Variants in PBX1 observed in about 807,000 individuals in gnomAD.
PBX1 encodes the protein pre-B-cell leukemia transcription factor 1.
PBX1 carries 6 observed loss-of-function variants against 53.4 expected under a neutral mutation model. The observed-to-expected ratio is 0.11, with a 90% CI of 0.06 to 0.22. PBX1 has a LOEUF of 0.22. PBX1 is among the 10% of genes least tolerant of loss of function. The pLI is 1.00. For synonymous variants in PBX1, 204 were observed against 212.3 expected (o/e 0.96, Z 0.34); for missense variants, 251 against 551.4 (o/e 0.46, Z 5.46).
intron 2 of PBX1, among the ~76,000 whole-genome samples, chr1:164,653,794 T>C (rs1199846440): frequency 1.3e-5 from 2 of 152,126 alleles, no homozygotes; most frequent in African/African-American, 2.4e-5. Flanking sequence ...CAAAAGCCTG[T>C]CATGGCCGCA....
intron 2 of PBX1, among the ~76,000 whole-genome samples, chr1:164,710,639 G>A (rs1663703606): frequency 1.3e-5 from 2 of 152,176 alleles, no homozygotes; most frequent in South Asian, 2.1e-4. Flanking sequence ...TCAAACTCCC[G>A]AACTCAGGTG....
In PBX1 at chr1:164,812,135, C is replaced by T. The variant is rs1400850042; in HGVS notation, c.983C>T (p.Thr328Ile). Residue 328 changes from threonine to isoleucine, a missense_variant, in exon 6 of 9, where the codon ACT (threonine) becomes ATT (isoleucine). Thr to Ile is a moderately conservative substitution (Grantham distance 89). Coordinates refer to ENST00000420696, the MANE Select transcript of PBX1 (RefSeq NM_002585.4). ...GGAAGCCAAGCTAACTCGCCCTCAA[C>T]TCCCAACTCGGCTGGTTAGTTTTTT... ...AHGSQANSPS[T>I]PNSAGSSSSF... 6.2e-7 allele frequency: 1 copy of T among 1,611,048 alleles called. No individual in the cohort carries two copies. Among genetic ancestry groups the T allele is most frequent in the Non-Finnish European group, 8.5e-7 (1 of 1,178,406 alleles).
intron 2 of PBX1, among the ~76,000 whole-genome samples, chr1:164,581,391 C>A (rs1208337047): frequency 6.6e-6 from 1 of 152,060 alleles, no homozygotes. Context: ...CCGCGCCTGG[C>A]TAATTTTTGT....
chr1:164,855,574 C>G (rs555299721), downstream of PBX1, among the ~76,000 whole-genome samples: 5 of 152,204 alleles, frequency 3.3e-5, no homozygotes, highest in African/African-American at 4.8e-5. Context: ...CAGACTCCTA[C>G]AGCACAATTA....
intron 2 of PBX1, among the ~76,000 whole-genome samples, chr1:164,664,571 A>G (rs1048896467): frequency 6.6e-6 from 1 of 152,206 alleles, no homozygotes; most frequent in Non-Finnish European, 1.5e-5. Context: ...ATCATATGAG[A>G]CAAGTCCTGG....
intron 2 of PBX1, among the ~76,000 whole-genome samples, chr1:164,782,142 C>A (rs1667964928): frequency 6.6e-6 from 1 of 152,154 alleles, no homozygotes; most frequent in Non-Finnish European, 1.5e-5. Flanking sequence ...TGTGAGAACT[C>A]CCATCTGGCT....
chr1:164,825,827 A>G (rs1176325050), intron 8 of PBX1, among the ~76,000 whole-genome samples: 3 of 152,166 alleles, frequency 2.0e-5, no homozygotes, highest in Non-Finnish European at 2.9e-5. Context: ...TCCCTGTTTA[A>G]AAAAAGTATA....
intron 2 of PBX1, among the ~76,000 whole-genome samples, chr1:164,599,192 C>T (rs1655987740): frequency 3.3e-5 from 5 of 150,702 alleles, no homozygotes; most frequent in Admixed American, 2.7e-4. Flanking sequence ...ACTTTGCTCC[C>T]CTCTGAGACC....
At chr1:164,655,098 G>GTTTTTTTTTTTT (rs1385024281) in intron 2 of PBX1, among the ~76,000 whole-genome samples, 2 of 38,320 alleles carry the variant, frequency 5.2e-5, no homozygotes, top group Admixed American at 4.5e-4. Context: ...TCTCTGATGT[G>GTTTTTTTTTTTT]TGTTTTTTTT....
chr1:164,698,252 C>T (rs933015466), intron 2 of PBX1, among the ~76,000 whole-genome samples: 7 of 151,990 alleles, frequency 4.6e-5, no homozygotes, highest in African/African-American at 1.4e-4. Context: ...CTCTGAATGC[C>T]GTTAGATTTA....
intron 2 of PBX1, among the ~76,000 whole-genome samples, chr1:164,741,738 G>GTGTGT: frequency 8.0e-6 from 1 of 125,538 alleles, no homozygotes; most frequent in South Asian, 2.7e-4. Context: ...ATGTATGAGT[G>GTGTGT]AGTGTGTGTG....
In PBX1 at chr1:164,823,622, G is replaced by A. The variant is rs569045034; in HGVS notation, c.1200+1996G>A. On this transcript the variant is annotated intron_variant, in intron 8 of 8. Transcript: ENST00000420696. ...AGCAGTCAGACTCTGGGGGGTGGGGGGGGGGGTCAACACTGACCCCTCTGA... is the reference window on the plus strand; with the variant it reads ...AGCAGTCAGACTCTGGGGGGTGGGGAGGGGGGTCAACACTGACCCCTCTGA... Among the ~76,000 whole-genome samples, 293 of 133,328 alleles carry A rather than the reference G, an allele frequency of 2.2e-3. 8 individuals are homozygous for A. The highest frequency in any genetic ancestry group is 0.02 in the South Asian group (74 of 3,766). 87.5% of individuals were successfully genotyped at this position (133,328 alleles called of 152,430 possible).
At chr1:164,779,581 A>G (rs1176327272) in intron 2 of PBX1, among the ~76,000 whole-genome samples, 3 of 152,190 alleles carry the variant, frequency 2.0e-5, no homozygotes, top group Non-Finnish European at 4.4e-5. Context: ...GGCTTCTAAG[A>G]TGACCATATG....
At chr1:164,741,693 G>C (rs1483487755) in intron 2 of PBX1, among the ~76,000 whole-genome samples, 1 of 151,766 alleles carries the variant, frequency 6.6e-6, no homozygotes, top group Admixed American at 6.6e-5. Flanking sequence ...GAAGACCACT[G>C]TGTGAAACTG....
chr1:164,804,119 T>G (rs1181930615), intron 4 of PBX1, among the ~76,000 whole-genome samples: 1 of 152,178 alleles, frequency 6.6e-6, no homozygotes, highest in Non-Finnish European at 1.5e-5. Context: ...GAAAGATTAG[T>G]GATTCTCTTG....
At chr1:164,689,890 C>T (rs1662360216) in intron 2 of PBX1, among the ~76,000 whole-genome samples, 1 of 152,080 alleles carries the variant, frequency 6.6e-6, no homozygotes, top group African/African-American at 2.4e-5. Context: ...ATGCAGTTCC[C>T]CTCTCACTGG....
chr1:164,599,187 G>T (rs1320280561), intron 2 of PBX1, among the ~76,000 whole-genome samples: 2 of 141,260 alleles, frequency 1.4e-5, no homozygotes, highest in African/African-American at 5.3e-5. Context: ...CTCTAACTTT[G>T]CTCCCCTCTG....
At chr1:164,800,312 G>A (rs958293021) in intron 4 of PBX1, among the ~76,000 whole-genome samples, 8 of 152,212 alleles carry the variant, frequency 5.3e-5, no homozygotes, top group Admixed American at 3.3e-4. Flanking sequence ...TGGACAGAGA[G>A]TGCACTCAAT....
At chr1:164,728,707 A>C (rs2102129915) in intron 2 of PBX1, among the ~76,000 whole-genome samples, 1 of 152,344 alleles carries the variant, frequency 6.6e-6, no homozygotes, top group East Asian at 1.9e-4. Context: ...ATTTTCCCAA[A>C]AATGCGTATA....
Sources: gnomAD v4.1 joint callset for allele counts (sites outside exome capture counted in the v4.1 genomes callset) on GRCh38, gnomAD v4.1.1 for gene constraint, MANE v1.5 for transcripts, NCBI Gene and HGNC (gene_info 2026-07-23, HGNC 2026-07-21) for gene names.